DSCAM: variants seen among roughly 807,000 people sequenced by gnomAD.
The protein encoded by DSCAM is DS cell adhesion molecule.
A neutral mutation model predicts 217.7 loss-of-function variants in DSCAM; 47 were observed. The observed-to-expected ratio is 0.22, with a 90% CI of 0.17 to 0.28. DSCAM has a LOEUF of 0.28. Ranked by LOEUF, DSCAM falls within the 10% of genes least tolerant of loss-of-function variation. The pLI, the probability that DSCAM is intolerant of heterozygous loss-of-function variation, is 1.00. For synonymous variants in DSCAM, 1,056 were observed against 1,015.3 expected (o/e 1.04, Z -0.76); for missense variants, 2,080 against 2,618.3 (o/e 0.79, Z 4.49).
intron 1 of DSCAM, among the ~76,000 whole-genome samples, chr21:40,761,675 T>A (rs1046928082): frequency 2.6e-5 from 4 of 152,224 alleles, no homozygotes; most frequent in Non-Finnish European, 4.4e-5. Flanking sequence ...AACAAACTAA[T>A]ACAGAGAGAA....
intron 20 of DSCAM, among the ~76,000 whole-genome samples, chr21:40,104,170 A>C (rs1404996779): frequency 6.6e-6 from 1 of 152,110 alleles, no homozygotes; most frequent in African/African-American, 2.4e-5. Flanking sequence ...CCTGCCATGA[A>C]AATTATCTAT....
At chr21:40,264,270 T>C (rs1183262837) in intron 11 of DSCAM, among the ~76,000 whole-genome samples, 1 of 152,142 alleles carries the variant, frequency 6.6e-6, no homozygotes, top group Non-Finnish European at 1.5e-5. Context: ...CAGACCAATA[T>C]TCCTGATGAA....
chr21:40,036,017 T>A, intron 32 of DSCAM, among the ~76,000 whole-genome samples: 1 of 131,680 alleles, frequency 7.6e-6, no homozygotes, highest in African/African-American at 3.0e-5. Context: ...TTCAAAGCAG[T>A]GTATAGAGGG....
chr21:40,039,338 C>A (rs1415349138), intron 32 of DSCAM, among the ~76,000 whole-genome samples: 1 of 151,548 alleles, frequency 6.6e-6, no homozygotes, highest in African/African-American at 2.4e-5. Context: ...AAATAAGTCA[C>A]TTTGATTAAA....
At chr21:40,160,046 T>C (rs1034721620) in intron 16 of DSCAM, among the ~76,000 whole-genome samples, 9 of 152,266 alleles carry the variant, frequency 5.9e-5, no homozygotes, top group African/African-American at 2.2e-4. Flanking sequence ...GGGATCCAAA[T>C]CGGGGTTGTT....
At chr21:40,389,937 G>C (rs1435594575) in intron 3 of DSCAM, among the ~76,000 whole-genome samples, 3 of 152,224 alleles carry the variant, frequency 2.0e-5, no homozygotes, top group African/African-American at 7.2e-5. Context: ...TGTGTGGTCA[G>C]AGCTACAAGT....
At chr21:40,560,548 T>TGGGGGG (rs1265754092) in intron 3 of DSCAM, among the ~76,000 whole-genome samples, 1 of 152,212 alleles carries the variant, frequency 6.6e-6, no homozygotes, top group Non-Finnish European at 1.5e-5. Context: ...CGACTTACAG[T>TGGGGGG]GGGATTATGT....
chr21:40,212,055 C>T (rs372667237), intron 11 of DSCAM, among the ~76,000 whole-genome samples: 17 of 151,834 alleles, frequency 1.1e-4, no homozygotes, highest in African/African-American at 3.4e-4. Context: ...CTGCAGCTTC[C>T]GCCTCCCAGG....
At chr21:40,204,133 G>C (rs1260922713) in intron 11 of DSCAM, among the ~76,000 whole-genome samples, 1 of 152,140 alleles carries the variant, frequency 6.6e-6, no homozygotes, top group Non-Finnish European at 1.5e-5. Flanking sequence ...CCAAGAATAG[G>C]GTTCCCAGTG....
chr21:40,143,592 C>T (rs556478649), intron 17 of DSCAM, among the ~76,000 whole-genome samples: 48 of 152,266 alleles, frequency 3.2e-4, no homozygotes, highest in African/African-American at 1.2e-3. Flanking sequence ...GAGATCGAGA[C>T]CATCCTGGCT....
intron 19 of DSCAM, among the ~76,000 whole-genome samples, chr21:40,129,291 A>C (rs902218244): frequency 6.6e-6 from 1 of 152,218 alleles, no homozygotes; most frequent in African/African-American, 2.4e-5. Flanking sequence ...CATCCCACCA[A>C]GCATGCACAT....
intron 3 of DSCAM, among the ~76,000 whole-genome samples, chr21:40,525,320 G>A (rs1249299508): frequency 1.3e-5 from 2 of 152,188 alleles, no homozygotes; most frequent in African/African-American, 2.4e-5. Context: ...TTTGGAGAAT[G>A]AGGCATGTCT....
chr21:40,809,079 G>A (rs1173875650), intron 1 of DSCAM, among the ~76,000 whole-genome samples: 1 of 152,132 alleles, frequency 6.6e-6, no homozygotes, highest in Non-Finnish European at 1.5e-5. Flanking sequence ...TGACTGTTAG[G>A]GCAGGACAGG....
intron 3 of DSCAM, among the ~76,000 whole-genome samples, chr21:40,519,083 G>A (rs1052675952): frequency 2.0e-5 from 3 of 152,104 alleles, no homozygotes; most frequent in South Asian, 2.1e-4. Flanking sequence ...CATGTAGTCC[G>A]ATGTTGACTG....
chr21:40,682,081 G>GAAAC (rs2090407708), intron 3 of DSCAM, among the ~76,000 whole-genome samples: 30 of 150,690 alleles, frequency 2.0e-4, no homozygotes, highest in African/African-American at 7.1e-4. Flanking sequence ...TTTTTTTTTT[G>GAAAC]TAGTCCTAGG....
chr21:40,169,262 C>T (rs189240449), intron 15 of DSCAM, among the ~76,000 whole-genome samples: 48 of 152,158 alleles, frequency 3.2e-4, no homozygotes, highest in African/African-American at 9.9e-4. Flanking sequence ...TTGAAAGAAG[C>T]GGGTTGAAAC....
chr21:40,802,600 A>T (rs112956452), intron 1 of DSCAM, among the ~76,000 whole-genome samples: 12 of 152,342 alleles, frequency 7.9e-5, no homozygotes, highest in African/African-American at 2.9e-4. Flanking sequence ...TCATGAGGGC[A>T]TAGCCCTCAC....
chr21:40,609,300 GAT>G (rs1170655454), intron 3 of DSCAM, among the ~76,000 whole-genome samples: 3 of 152,126 alleles, frequency 2.0e-5, no homozygotes, highest in Admixed American at 6.5e-5. Context: ...TGTTTCCCCA[GAT>G]GGGTTTAGAA....
At chr21:40,567,476 T>C (rs965623845) in intron 3 of DSCAM, among the ~76,000 whole-genome samples, 90 of 152,366 alleles carry the variant, frequency 5.9e-4, no homozygotes, top group African/African-American at 2.0e-3. Flanking sequence ...CCAAGTGAAA[T>C]AAGGCTCAAG....
Sources: gnomAD v4.1 joint callset for allele counts (sites outside exome capture counted in the v4.1 genomes callset) on GRCh38, gnomAD v4.1.1 for gene constraint, MANE v1.5 for transcripts, NCBI Gene and HGNC (gene_info 2026-07-23, HGNC 2026-07-21) for gene names.